Variants in CTNNA3 observed in about 807,000 individuals in gnomAD.
CTNNA3 encodes catenin alpha 3.
A neutral mutation model predicts 95.7 loss-of-function variants in CTNNA3; 76 were observed. The ratio of observed to expected loss-of-function variants is 0.79; its 90% CI spans 0.66 to 0.96. The LOEUF (loss-of-function observed/expected upper bound fraction) is 0.96. CTNNA3 is among the 40% of genes least tolerant of loss of function. The pLI is 0.00. For missense variants in CTNNA3, 1,191 were observed against 1,089.8 expected (o/e 1.09, Z -1.31); for synonymous variants, 431 against 374.4 (o/e 1.15, Z -1.74).
intron 13 of CTNNA3, among the ~76,000 whole-genome samples, chr10:66,221,592 T>C (rs1353017043): frequency 6.6e-6 from 1 of 152,194 alleles, no homozygotes; most frequent in African/African-American, 2.4e-5. Context: ...AATACTACTA[T>C]TACTAAATCT....
chr10:65,925,276 GCAAA>G (rs35409843), intron 17 of CTNNA3, among the ~76,000 whole-genome samples: 22,884 of 151,870 alleles, frequency 0.15, 2,125 homozygotes, highest in South Asian at 0.23. Context: ...TATGAAATAA[GCAAA>G]CAGACAACAA....
chr10:66,566,287 T>C (rs1842703135), intron 10 of CTNNA3, among the ~76,000 whole-genome samples: 1 of 152,072 alleles, frequency 6.6e-6, no homozygotes, highest in Non-Finnish European at 1.5e-5. Flanking sequence ...ATGCCCAGGA[T>C]TTGGTGACTG....
At position 66,628,577 on chromosome 10, in the gene CTNNA3, T is replaced by C. The variant is rs994702295; in HGVS notation, c.1282-6793A>G. Among the ~76,000 whole-genome samples the C allele has an allele frequency of 3.9e-5, 6 of 152,124 alleles. No homozygotes were observed. The South Asian group carries it at 6.2e-4, about 16-fold the overall frequency. ...GGGTGTGGAAATAATCTAGCTGAAA[T>C]GTGTTATTTATTTTTAACTTGTATT... On this transcript the variant is annotated intron_variant, in intron 9 of 17. Coordinates refer to ENST00000433211, the MANE Select transcript of CTNNA3 (RefSeq NM_013266.4).
At chr10:67,306,474 T>G (rs1191160448) in intron 5 of CTNNA3, among the ~76,000 whole-genome samples, 1 of 152,202 alleles carries the variant, frequency 6.6e-6, no homozygotes, top group African/African-American at 2.4e-5. Context: ...ACACACTGCC[T>G]GACATCCTTA....
chr10:67,461,252 T>C (rs1023993636), intron 5 of CTNNA3, among the ~76,000 whole-genome samples: 1 of 152,134 alleles, frequency 6.6e-6, no homozygotes, highest in African/African-American at 2.4e-5. Flanking sequence ...GTTATTTCTC[T>C]TTTTCAGTGA....
At chr10:65,999,372 A>G (rs1042026717) in intron 15 of CTNNA3, among the ~76,000 whole-genome samples, 7 of 152,176 alleles carry the variant, frequency 4.6e-5, no homozygotes, top group African/African-American at 1.7e-4. Context: ...AGGAGCAGCT[A>G]AAGTACCCTT....
chr10:66,823,691 T>C (rs930210741), intron 7 of CTNNA3, among the ~76,000 whole-genome samples: 5 of 152,340 alleles, frequency 3.3e-5, no homozygotes, highest in African/African-American at 1.2e-4. Context: ...TTGAGTGAGT[T>C]TTGTGCTAGA....
intron 11 of CTNNA3, among the ~76,000 whole-genome samples, chr10:66,440,041 A>G (rs1418225671): frequency 6.6e-6 from 1 of 152,086 alleles, no homozygotes; most frequent in African/African-American, 2.4e-5. Context: ...TCAGAACCAT[A>G]CTCTGTTATC....
intron 11 of CTNNA3, among the ~76,000 whole-genome samples, chr10:66,419,203 A>T (rs905620435): frequency 6.6e-6 from 1 of 152,150 alleles, no homozygotes. Flanking sequence ...ACATTTTTTT[A>T]AAGTAGTATT....
intron 12 of CTNNA3, among the ~76,000 whole-genome samples, chr10:66,375,278 C>T (rs181271906): frequency 1.1e-4 from 17 of 151,508 alleles, no homozygotes; most frequent in South Asian, 6.3e-4. Context: ...AATCAAATTC[C>T]TCCAGAGTTC....
At chr10:66,985,952 TC>T (rs766665077) in intron 7 of CTNNA3, among the ~76,000 whole-genome samples, 14 of 152,216 alleles carry the variant, frequency 9.2e-5, no homozygotes, top group Admixed American at 2.0e-4. Context: ...GGTCTCGATC[TC>T]CTGACCTCAT....
At chr10:67,444,689 A>G (rs1846669419) in intron 5 of CTNNA3, among the ~76,000 whole-genome samples, 2 of 91,704 alleles carry the variant, frequency 2.2e-5, no homozygotes, top group Admixed American at 2.8e-4. Flanking sequence ...ATCCAAATAA[A>G]TAAAATCAGA....
rs2087244041 is a variant in CTNNA3, at chr10:66,199,795, A to ATG, written c.1884+80674_1884+80675insCA. Among the ~76,000 whole-genome samples the ATG allele has an allele frequency of 1.3e-4, 2 of 15,780 alleles. 1 individual carries two copies. Among genetic ancestry groups the ATG allele is most frequent in the Non-Finnish European group, 2.7e-4 (2 of 7,516 alleles). The allele number at this position is 15,780 out of a possible 152,430, so 10.4% of individuals were successfully genotyped here. The stretch of plus-strand genomic sequence containing the variant: ...TATATATATATATATATATATATAT[A>ATG]TATATATATATTTTTTTTTTTTTTT... On this transcript the variant is annotated intron_variant, in intron 13 of 17. Transcript: ENST00000433211.
chr10:66,617,815 C>G (rs980924922), intron 10 of CTNNA3, among the ~76,000 whole-genome samples: 2 of 151,742 alleles, frequency 1.3e-5, no homozygotes, highest in African/African-American at 2.4e-5. Context: ...GAAAACCCCA[C>G]TGTCTCAGCC....
At chr10:67,528,680 T>C (rs556803628) in intron 4 of CTNNA3, among the ~76,000 whole-genome samples, 1 of 152,190 alleles carries the variant, frequency 6.6e-6, no homozygotes, top group Non-Finnish European at 1.5e-5. Flanking sequence ...TTACTTTTTA[T>C]CTAGTCTGTA....
intron 5 of CTNNA3, among the ~76,000 whole-genome samples, chr10:67,361,616 C>A (rs1842994268): frequency 3.3e-5 from 5 of 152,074 alleles, no homozygotes; most frequent in Non-Finnish European, 7.4e-5. Context: ...TGGGATGCAG[C>A]AAAAGCAGCA....
At chr10:66,242,962 A>C (rs1368135433) in intron 13 of CTNNA3, among the ~76,000 whole-genome samples, 3 of 152,192 alleles carry the variant, frequency 2.0e-5, no homozygotes, top group Admixed American at 1.3e-4. Flanking sequence ...TAAAATTCTA[A>C]GCCCCCTAAC....
At chr10:66,612,487 A>G (rs991804741) in intron 10 of CTNNA3, among the ~76,000 whole-genome samples, 3 of 152,022 alleles carry the variant, frequency 2.0e-5, no homozygotes, top group African/African-American at 7.2e-5. Context: ...ACTGGTTCTT[A>G]AGTGGGGCAA....
intron 15 of CTNNA3, among the ~76,000 whole-genome samples, chr10:66,052,171 G>A (rs2079972558): frequency 1.3e-5 from 2 of 152,032 alleles, no homozygotes; most frequent in African/African-American, 4.8e-5. Context: ...CAAACAGAAG[G>A]CATTCTTACA....
Sources: gnomAD v4.1 joint callset for allele counts (sites outside exome capture counted in the v4.1 genomes callset) on GRCh38, gnomAD v4.1.1 for gene constraint, MANE v1.5 for transcripts, NCBI Gene and HGNC (gene_info 2026-07-23, HGNC 2026-07-21) for gene names.